DIP2B: variants seen among roughly 807,000 people sequenced by gnomAD.
DIP2B encodes the protein DIP2 acetate--CoA ligase B (putative).
In DIP2B, 76 loss-of-function variants were observed where a neutral mutation model predicts 198.0. That is an observed-to-expected ratio of 0.38 (90% CI 0.32 to 0.46). The LOEUF (loss-of-function observed/expected upper bound fraction) is 0.46. Ranked by LOEUF, DIP2B falls within the 20% of genes least tolerant of loss-of-function variation. The probability of loss-of-function intolerance (pLI) is 0.99; values close to 1 mark genes in which losing one functional copy is unlikely to be tolerated. For synonymous variants in DIP2B, 701 were observed against 739.1 expected (o/e 0.95, Z 0.84); for missense variants, 1,559 against 1,978.4 (o/e 0.79, Z 4.02).
At chr12:50,583,302 T>G (rs1218875730) in intron 1 of DIP2B, among the ~76,000 whole-genome samples, 1 of 129,524 alleles carries the variant, frequency 7.7e-6, no homozygotes, top group African/African-American at 2.9e-5. Context: ...CATCTACACG[T>G]TTTTTTTTTG....
chr12:50,671,183 C>G lies in DIP2B; in HGVS notation c.428-3C>G. 1 of 1,613,864 alleles carries G rather than the reference C, an allele frequency of 6.2e-7. No individual in the cohort carries two copies. Among genetic ancestry groups the G allele is most frequent in the Non-Finnish European group, 8.5e-7 (1 of 1,179,964 alleles). On this transcript the variant is annotated splice_polypyrimidine_tract_variant and splice_region_variant and intron_variant, in intron 4 of 37. Transcript: ENST00000301180. ...GAACTTCTTTTTTTCTAATTCCACA[C>G]AGACACATCTTCGGCCTCTGAGGAT...
rs1166240029 is a variant in DIP2B at position 50,704,225 on chromosome 12, G to A, written c.2406+5G>A. On this transcript the variant is annotated splice_donor_5th_base_variant and intron_variant, in intron 20 of 37. Coordinates refer to ENST00000301180, the MANE Select transcript of DIP2B (RefSeq NM_173602.3). The stretch of plus-strand genomic sequence containing the variant: ...TTGCTGGGGTTTGTAGGGCCGGTAA[G>A]TGATGCTTTCATGTTGATTTTGTTA... The A allele has an allele frequency of 6.2e-7, 1 of 1,608,086 alleles. No individual in the cohort carries two copies. The highest frequency in any genetic ancestry group is 8.5e-7 in the Non-Finnish European group (1 of 1,178,606).
chr12:50,700,225 A>G (rs1939394411), intron 19 of DIP2B, among the ~76,000 whole-genome samples: 1 of 152,222 alleles, frequency 6.6e-6, no homozygotes, highest in Non-Finnish European at 1.5e-5. Flanking sequence ...GTTTTCCTGC[A>G]GGCACTTCTG....
At chr12:50,632,927 G>C (rs756114206) in intron 2 of DIP2B, among the ~76,000 whole-genome samples, 18 of 151,318 alleles carry the variant, frequency 1.2e-4, no homozygotes, top group Non-Finnish European at 2.1e-4. Flanking sequence ...TAAAAATTTA[G>C]TGAGTGATTT....
At chr12:50,690,840 A>G (rs890304319) in intron 12 of DIP2B, among the ~76,000 whole-genome samples, 1 of 152,080 alleles carries the variant, frequency 6.6e-6, no homozygotes. Flanking sequence ...TTTTTCACAT[A>G]TATTTTTGTT....
chr12:50,634,073 T>C (rs1938114500), intron 2 of DIP2B, among the ~76,000 whole-genome samples: 1 of 152,242 alleles, frequency 6.6e-6, no homozygotes, highest in African/African-American at 2.4e-5. Context: ...CATCTCTTGC[T>C]CATTCTGAGC....
chr12:50,649,759 G>A (rs1237577079), intron 3 of DIP2B, among the ~76,000 whole-genome samples: 3 of 152,146 alleles, frequency 2.0e-5, no homozygotes, highest in African/African-American at 4.8e-5. Context: ...AGGATGCTGA[G>A]GCATGAGAAT....
At chr12:50,708,264 T>C (rs1939550797) in intron 21 of DIP2B, among the ~76,000 whole-genome samples, 184 bp from the exon 22 acceptor site, 1 of 152,254 alleles carries the variant, frequency 6.6e-6, no homozygotes, top group African/African-American at 2.4e-5. Context: ...ACAGTTGTGC[T>C]TAATACATAT....
At chr12:50,658,544 A>G (rs1938592170) in intron 3 of DIP2B, among the ~76,000 whole-genome samples, 1 of 152,214 alleles carries the variant, frequency 6.6e-6, no homozygotes. Flanking sequence ...ATATACTTTG[A>G]TCTCAGCAGT....
At chr12:50,656,142 G>A in intron 3 of DIP2B, among the ~76,000 whole-genome samples, 1 of 152,078 alleles carries the variant, frequency 6.6e-6, no homozygotes, top group African/African-American at 2.4e-5. Context: ...GTATTAATAT[G>A]AACTCATCAT....
intron 3 of DIP2B, among the ~76,000 whole-genome samples, chr12:50,641,897 G>T (rs549577142): frequency 6.6e-6 from 1 of 152,076 alleles, no homozygotes; most frequent in Non-Finnish European, 1.5e-5. Flanking sequence ...AGACTAATGG[G>T]GATATTATTT....
intron 1 of DIP2B, among the ~76,000 whole-genome samples, chr12:50,564,447 T>C (rs1217642008): frequency 1.3e-5 from 2 of 152,206 alleles, no homozygotes; most frequent in Non-Finnish European, 2.9e-5. Flanking sequence ...TTGTGCAACA[T>C]TTCCTATTTC....
rs747688876 is a variant in DIP2B, at chr12:50,525,513, CTT to C, written c.100+20289_100+20290del. ...ATGCATGTTGCTGCCTCTAGGTCCC[CTT>C]TTTTTTTTTTTTTTTGAGACAGAGT... is the stretch of plus-strand genomic sequence containing the variant. On this transcript the variant is annotated intron_variant, in intron 1 of 37. Transcript: ENST00000301180. Among the ~76,000 whole-genome samples, 50 of 139,272 alleles carry C rather than the reference CTT, an allele frequency of 3.6e-4. 1 individual carries two copies. The highest frequency in any genetic ancestry group is 9.0e-4 in the African/African-American group (34 of 37,794). 91.4% of individuals were successfully genotyped at this position (139,272 alleles called of 152,430 possible). A position where few individuals can be genotyped will look rare whatever the true frequency, so the allele number is the denominator to read the frequency against.
intron 1 of DIP2B, among the ~76,000 whole-genome samples, chr12:50,540,857 A>G (rs1327299202): frequency 6.6e-6 from 1 of 151,978 alleles, no homozygotes; most frequent in Non-Finnish European, 1.5e-5. Flanking sequence ...ATTTTTATAT[A>G]GTTATTCATA....
At chr12:50,516,213 A>ATCTC (rs68059796) in intron 1 of DIP2B, among the ~76,000 whole-genome samples, 174 of 128,610 alleles carry the variant, frequency 1.4e-3, no homozygotes, top group East Asian at 5.9e-3. Context: ...TAGAGGCACC[A>ATCTC]TCTCTCTCTC....
intron 1 of DIP2B, among the ~76,000 whole-genome samples, chr12:50,599,213 G>A (rs1958914529): frequency 6.7e-6 from 1 of 149,874 alleles, no homozygotes; most frequent in South Asian, 2.1e-4. Context: ...GATTGCCTAA[G>A]CTCTGGAGGT....
intron 1 of DIP2B, among the ~76,000 whole-genome samples, chr12:50,506,857 T>C (rs986871620): frequency 6.6e-6 from 1 of 152,160 alleles, no homozygotes; most frequent in South Asian, 2.1e-4. Context: ...AAGTAACAAA[T>C]CATCTAGCTT....
intron 1 of DIP2B, among the ~76,000 whole-genome samples, chr12:50,585,310 G>A (rs1206845608): frequency 6.6e-6 from 1 of 152,212 alleles, no homozygotes; most frequent in Non-Finnish European, 1.5e-5. Flanking sequence ...ACACACTCAG[G>A]AAGCTTATGT....
chr12:50,549,422 C>T (rs556125353), intron 1 of DIP2B, among the ~76,000 whole-genome samples: 2 of 151,702 alleles, frequency 1.3e-5, no homozygotes, highest in African/African-American at 4.8e-5. Context: ...CCCAGCTACA[C>T]GGGAGGCTGA....
Sources: allele counts gnomAD v4.1 joint callset (sites outside exome capture counted in the v4.1 genomes callset), GRCh38; gene constraint gnomAD v4.1.1; transcripts MANE v1.5; gene names NCBI Gene and HGNC (gene_info 2026-07-23, HGNC 2026-07-21).